The following DMD variants were observed in gnomAD, a reference collection of about 807,000 sequenced individuals.
DMD encodes dystrophin.
In DMD, 63 loss-of-function variants were observed where a neutral mutation model predicts 330.1. The observed-to-expected ratio is 0.19, with a 90% confidence interval of 0.16 to 0.24. The LOEUF is 0.24. DMD is among the 10% of genes least tolerant of loss of function. The pLI is 1.00. For synonymous variants in DMD, 1,223 were observed against 959.8 expected (o/e 1.27, Z -5.07); for missense variants, 3,344 against 2,684.1 (o/e 1.25, Z -5.43).
intron 2 of DMD, among the ~76,000 whole-genome samples, chrX:32,861,354 G>A (rs187656629): frequency 2.7e-5 from 3 of 111,595 alleles, no homozygotes; most frequent in East Asian, 5.6e-4. Flanking sequence ...TAAGATGTCT[G>A]GTATGGTACC....
intron 44 of DMD, among the ~76,000 whole-genome samples, chrX:31,985,736 C>T (rs2095504607): frequency 8.9e-6 from 1 of 111,836 alleles, no homozygotes; most frequent in Non-Finnish European, 1.9e-5. Context: ...TGTACATACA[C>T]GGAATAAACA....
rs763203337 is a variant in DMD, at chrX:32,192,782, C to T, written c.6438+24134G>A. ...ATCAACTATCTTTCAAAATGTGTACCGCAGGCTGTTCTCGGAATGGAGCTA... is the reference window on the plus strand; with the variant it reads ...ATCAACTATCTTTCAAAATGTGTACTGCAGGCTGTTCTCGGAATGGAGCTA... On this transcript the variant is annotated intron_variant, in intron 44 of 78. Coordinates refer to ENST00000357033, the MANE Select transcript of DMD (RefSeq NM_004006.3). Among the ~76,000 whole-genome samples the T allele has an allele frequency of 6.3e-5, 7 of 111,445 alleles. No homozygotes were observed. The South Asian group carries it at 2.3e-3, about 37-fold the overall frequency.
chrX:31,961,928 C>A (rs920525616), intron 45 of DMD, among the ~76,000 whole-genome samples: 11 of 109,879 alleles, frequency 1.0e-4, no homozygotes, highest in African/African-American at 3.7e-4. Context: ...TACGTGTGGC[C>A]ATCAAAGGTA....
chrX:32,308,625 C>T (rs750400435), intron 42 of DMD, among the ~76,000 whole-genome samples: 1 of 110,498 alleles, frequency 9.0e-6, no homozygotes, highest in Non-Finnish European at 1.9e-5. Flanking sequence ...TATTATAAAC[C>T]GCAGTAATCA....
chrX:31,124,297 CT>C (rs1459015782), intron 78 of DMD, among the ~76,000 whole-genome samples: 1 of 111,987 alleles, frequency 8.9e-6, no homozygotes, highest in African/African-American at 3.2e-5. Flanking sequence ...ATTCTAATTT[CT>C]TTCCATGGAG....
chrX:31,429,422 T>G (rs759626738), intron 60 of DMD, among the ~76,000 whole-genome samples: 282 of 111,612 alleles, frequency 2.5e-3, no homozygotes, highest in African/African-American at 8.8e-3. Context: ...GGCTCCTCAC[T>G]TGGGATGGCT....
chrX:32,836,159 GT>G (rs918267124), intron 4 of DMD, among the ~76,000 whole-genome samples: 17 of 108,058 alleles, frequency 1.6e-4, no homozygotes, highest in Non-Finnish European at 2.9e-4. Context: ...AGCCTCCCCA[GT>G]AGCTGGAATT....
chrX:33,029,720 T>C (rs1230118993), intron 1 of DMD, among the ~76,000 whole-genome samples: 1 of 112,276 alleles, frequency 8.9e-6, no homozygotes, highest in Non-Finnish European at 1.9e-5. Flanking sequence ...AGCACAAGTA[T>C]TGTAGAAATA....
In DMD at chrX:32,632,198, T is replaced by A. The variant is rs72626045; in HGVS notation, c.1331+11934A>T. Among the ~76,000 whole-genome samples the A allele has an allele frequency of 2.7e-5, 3 of 112,228 alleles. No individual in the cohort carries two copies. The East Asian group carries it at 8.5e-4, about 32-fold the overall frequency. ...ACCCAGCAGGGTAGTCATTAAATCT[T>A]AAAACTCCAAAATTATCTGCTTTGA... On this transcript the variant is annotated intron_variant, in intron 11 of 78. Coordinates refer to ENST00000357033, the MANE Select transcript of DMD (RefSeq NM_004006.3).
chrX:32,489,159 G>A (rs1002178626), intron 20 of DMD, among the ~76,000 whole-genome samples: 2 of 110,798 alleles, frequency 1.8e-5, no homozygotes, highest in Non-Finnish European at 3.8e-5. Context: ...TCTGCTTTCC[G>A]TAAATACAAT....
At chrX:32,020,070 G>A (rs967052013) in intron 44 of DMD, among the ~76,000 whole-genome samples, 4 of 112,792 alleles carry the variant, frequency 3.5e-5, no homozygotes, top group Non-Finnish European at 7.5e-5. Flanking sequence ...AGTAGATCAC[G>A]ATCAGTGGAT....
chrX:32,497,449 T>A (rs2043613225), intron 19 of DMD, among the ~76,000 whole-genome samples: 1 of 111,996 alleles, frequency 8.9e-6, no homozygotes. Context: ...CAAATAGAAA[T>A]TGAAAATGAA....
chrX:32,839,042 CTGACT>C (rs1408892273), intron 4 of DMD, among the ~76,000 whole-genome samples: 3 of 111,872 alleles, frequency 2.7e-5, no homozygotes, highest in Non-Finnish European at 5.6e-5. Context: ...TTAAAATAAC[CTGACT>C]TATGACCCAT....
chrX:32,361,377 T>G (rs919481696), intron 37 of DMD, among the ~76,000 whole-genome samples: 2 of 111,644 alleles, frequency 1.8e-5, no homozygotes, highest in Non-Finnish European at 3.8e-5. Flanking sequence ...AGTTAACTAC[T>G]AAGTTCTCTC....
intron 47 of DMD, among the ~76,000 whole-genome samples, chrX:31,905,530 C>T (rs1393751933): frequency 9.1e-6 from 1 of 109,995 alleles, no homozygotes; most frequent in Non-Finnish European, 1.9e-5. Context: ...TCCTACCTTG[C>T]TCACTTCAAC....
intron 25 of DMD, among the ~76,000 whole-genome samples, chrX:32,457,839 A>T (rs1421610870): frequency 1.8e-5 from 2 of 110,441 alleles, no homozygotes; most frequent in Non-Finnish European, 3.8e-5. Context: ...ACATCCACGT[A>T]ACCTCTAAAT....
At chrX:31,380,933 G>A (rs956283308) in intron 60 of DMD, among the ~76,000 whole-genome samples, 5 of 110,304 alleles carry the variant, frequency 4.5e-5, no homozygotes, top group Admixed American at 3.9e-4. Flanking sequence ...TACCTATCTC[G>A]GCATAATTCT....
chrX:32,698,128 C>G, intron 8 of DMD, 130 bp from the exon 9 acceptor site: 1 of 694,026 alleles, frequency 1.4e-6, no homozygotes, highest in South Asian at 2.8e-5. Flanking sequence ...ATGTTTAATA[C>G]TAAACATATA....
At chrX:32,183,571 A>ATATATATATATATAT (rs2096934749) in intron 44 of DMD, among the ~76,000 whole-genome samples, 5 of 95,110 alleles carry the variant, frequency 5.3e-5, no homozygotes, top group African/African-American at 1.9e-4. Context: ...TATATATATA[A>ATATATATATATATAT]ATATATATAT....
Sources: gnomAD v4.1 joint callset for allele counts (sites outside exome capture counted in the v4.1 genomes callset) on GRCh38, gnomAD v4.1.1 for gene constraint, MANE v1.5 for transcripts, NCBI Gene and HGNC (gene_info 2026-07-23, HGNC 2026-07-21) for gene names.